The following CNTN4 variants were observed in gnomAD, a reference collection of about 807,000 sequenced individuals.
The protein encoded by CNTN4 is contactin 4.
A neutral mutation model predicts 122.5 loss-of-function variants in CNTN4; 77 were observed. That is an observed-to-expected ratio of 0.63 (90% confidence interval 0.52 to 0.76). The LOEUF (loss-of-function observed/expected upper bound fraction) is 0.76, where lower values mean the gene tolerates loss of function less well. Ranked by LOEUF, CNTN4 falls within the 30% of genes least tolerant of loss-of-function variation. The probability of loss-of-function intolerance (pLI) is 0.00; values close to 1 mark genes in which losing one functional copy is unlikely to be tolerated. For missense variants in CNTN4, 1,256 were observed against 1,259.1 expected (o/e 1.00, Z 0.04); for synonymous variants, 512 against 447.0 (o/e 1.15, Z -1.83).
chr3:2,911,121 T>A (rs188605316), intron 12 of CNTN4, among the ~76,000 whole-genome samples: 117 of 152,178 alleles, frequency 7.7e-4, no homozygotes, highest in Admixed American at 3.0e-3. Flanking sequence ...AAGTACTACC[T>A]AAGGGAGTGG....
At chr3:2,347,570 C>G (rs2150410776) in intron 3 of CNTN4, among the ~76,000 whole-genome samples, 1 of 152,126 alleles carries the variant, frequency 6.6e-6, no homozygotes, top group African/African-American at 2.4e-5. Context: ...TCATCACACC[C>G]AGCTAATTTT....
At chr3:2,627,702 C>T (rs531936562) in intron 4 of CNTN4, among the ~76,000 whole-genome samples, 17 of 151,922 alleles carry the variant, frequency 1.1e-4, no homozygotes, top group South Asian at 4.2e-4. Flanking sequence ...ACCGTGTTAG[C>T]CAGGATGGTC....
At chr3:2,987,973 AT>A (rs1373834804) in intron 13 of CNTN4, among the ~76,000 whole-genome samples, 4 of 152,160 alleles carry the variant, frequency 2.6e-5, no homozygotes, top group Non-Finnish European at 4.4e-5. Context: ...TAATCAAGGG[AT>A]TTTTTCGTAT....
In CNTN4 at chr3:3,009,472, C is replaced by T. The variant is rs940808288; in HGVS notation, c.1487-16630C>T. On this transcript the variant is annotated intron_variant, in intron 14 of 24. Coordinates refer to ENST00000418658, the MANE Select transcript of CNTN4 (RefSeq NM_175607.3). ...TTTTTGAGATGGAGTCTTGCTCTGT[C>T]GCCCAGGCTGGAGTGCAGTGGCGCG... Among the ~76,000 whole-genome samples, 8 of 151,372 alleles carry T rather than the reference C, an allele frequency of 5.3e-5. No homozygotes were observed. In the South Asian group the frequency reaches 6.3e-4, roughly 12 times the overall value.
Position 2,281,745 on chromosome 3 carries a change from G to A in CNTN4, c.-144-57433G>A, listed in dbSNP as rs78484756. Among the ~76,000 whole-genome samples, 1,246 of 151,966 alleles carry A rather than the reference G, an allele frequency of 8.2e-3. 18 individuals are homozygous for A. Among genetic ancestry groups the A allele is most frequent in the African/African-American group, 0.028 (1,178 of 41,432 alleles). On this transcript the variant is annotated intron_variant, in intron 2 of 24. Coordinates refer to ENST00000418658, the MANE Select transcript of CNTN4 (RefSeq NM_175607.3). ...TTTTCTTCTTACCTTTTTGTTTATC[G>A]TAGTATAATTATAGGAATTAATTAA... is the stretch of plus-strand genomic sequence containing the variant.
In CNTN4 at chr3:2,708,712, A is replaced by G. The variant is rs193139879; in HGVS notation, c.56-27503A>G. Among the ~76,000 whole-genome samples, 29 of 145,788 alleles carry G rather than the reference A, an allele frequency of 2.0e-4. 1 individual carries two copies. Among genetic ancestry groups the G allele is most frequent in the African/African-American group, 6.5e-4 (25 of 38,502 alleles). On this transcript the variant is annotated intron_variant, in intron 4 of 24. Transcript: ENST00000418658. ...AGAGAGCACGTCCATGCACGCAGGCACGCGCACGCGCGCATCACACACACA... is the reference window on the plus strand; with the variant it reads ...AGAGAGCACGTCCATGCACGCAGGCGCGCGCACGCGCGCATCACACACACA...
chr3:2,140,102 C>A (rs568158359), intron 2 of CNTN4, among the ~76,000 whole-genome samples: 1 of 152,252 alleles, frequency 6.6e-6, no homozygotes, highest in East Asian at 1.9e-4. Context: ...GTAAGATGTG[C>A]CTTTGCTTCT....
At position 3,057,818 on chromosome 3, in the gene CNTN4, A is replaced by T. The variant is rs893107833; in HGVS notation, c.*1598A>T. ...AAAATTTAAAATCACATGCAAAAAA[A>T]AAATCAGCAAAATAATAAAATGAAC... is the stretch of plus-strand genomic sequence containing the variant. On this transcript the variant is annotated 3_prime_UTR_variant, in exon 25 of 25. Coordinates refer to ENST00000418658, the MANE Select transcript of CNTN4 (RefSeq NM_175607.3). 4 of 152,668 alleles carry T rather than the reference A, an allele frequency of 2.6e-5. No individual in the cohort carries two copies. The highest frequency in any genetic ancestry group is 5.9e-5 in the Non-Finnish European group (4 of 68,052). The allele number at this position is 152,668 out of a possible 1,614,324, so 9.5% of individuals were successfully genotyped here.
chr3:2,552,797 T>G (rs1158684528), intron 3 of CNTN4, among the ~76,000 whole-genome samples: 1 of 152,158 alleles, frequency 6.6e-6, no homozygotes, highest in East Asian at 1.9e-4. Context: ...ACCAATTTGA[T>G]GGAACATGGT....
intron 3 of CNTN4, among the ~76,000 whole-genome samples, chr3:2,391,427 C>G (rs942424262): frequency 3.3e-5 from 5 of 151,988 alleles, no homozygotes; most frequent in African/African-American, 1.2e-4. Context: ...CATGAGAAAC[C>G]CAGAGAAAGA....
At chr3:2,422,794 A>G (rs1248880633) in intron 3 of CNTN4, among the ~76,000 whole-genome samples, 1 of 152,208 alleles carries the variant, frequency 6.6e-6, no homozygotes, top group Non-Finnish European at 1.5e-5. Context: ...TGAGTGTGGC[A>G]TGGTTTCAAA....
At chr3:2,290,965 T>C (rs2042111566) in intron 2 of CNTN4, among the ~76,000 whole-genome samples, 1 of 152,190 alleles carries the variant, frequency 6.6e-6, no homozygotes, top group African/African-American at 2.4e-5. Context: ...ACATTATAAA[T>C]TAAATCACCA....
intron 4 of CNTN4, among the ~76,000 whole-genome samples, chr3:2,595,386 A>G (rs115785387): frequency 0.015 from 2,335 of 152,280 alleles, 63 homozygotes; most frequent in African/African-American, 0.054. Flanking sequence ...GGCCTAGAGA[A>G]AAGGCTTTAT....
intron 2 of CNTN4, among the ~76,000 whole-genome samples, chr3:2,125,377 C>T (rs544152022): frequency 1.7e-3 from 199 of 114,860 alleles, no homozygotes; most frequent in African/African-American, 5.6e-3. Context: ...TAACATGCCA[C>T]GTTTTCTTTA....
At chr3:2,649,282 A>G (rs759468824) in intron 4 of CNTN4, among the ~76,000 whole-genome samples, 2 of 152,248 alleles carry the variant, frequency 1.3e-5, no homozygotes, top group Non-Finnish European at 2.9e-5. Context: ...GATGCCATCC[A>G]GGACTTTGAT....
At chr3:2,188,051 C>A in intron 2 of CNTN4, among the ~76,000 whole-genome samples, 1 of 152,090 alleles carries the variant, frequency 6.6e-6, no homozygotes, top group African/African-American at 2.4e-5. Flanking sequence ...TGTCAAGTGC[C>A]TGGATCAAGG....
intron 4 of CNTN4, among the ~76,000 whole-genome samples, chr3:2,701,291 G>T (rs1365121454): frequency 6.6e-6 from 1 of 152,102 alleles, no homozygotes; most frequent in Non-Finnish European, 1.5e-5. Context: ...GACTGATTAT[G>T]GTTACTGATC....
intron 2 of CNTN4, among the ~76,000 whole-genome samples, chr3:2,169,473 C>T (rs2036349419): frequency 1.3e-5 from 2 of 152,016 alleles, no homozygotes; most frequent in Admixed American, 1.3e-4. Context: ...GTGGCGCGAT[C>T]TCGGCTCACT....
intron 2 of CNTN4, among the ~76,000 whole-genome samples, chr3:2,335,012 A>G (rs2043886473): frequency 6.6e-6 from 1 of 152,184 alleles, no homozygotes; most frequent in African/African-American, 2.4e-5. Context: ...CAGCTGCTGC[A>G]TCTAACTATT....
Sources: gnomAD v4.1 joint callset for allele counts (sites outside exome capture counted in the v4.1 genomes callset) on GRCh38, gnomAD v4.1.1 for gene constraint, MANE v1.5 for transcripts, NCBI Gene and HGNC (gene_info 2026-07-23, HGNC 2026-07-21) for gene names.